The following CPB1 variants were observed in gnomAD, a reference collection of about 807,000 sequenced individuals.
CPB1 encodes the protein carboxypeptidase B.
A neutral mutation model predicts 51.4 loss-of-function variants in CPB1; 53 were observed. The observed-to-expected ratio is 1.03, with a 90% CI of 0.83 to 1.30. The LOEUF (loss-of-function observed/expected upper bound fraction) is 1.30. Among genes scored for constraint, CPB1 ranks in the 50% most tolerant of loss-of-function variants. CPB1 has a pLI of 0.00. For missense variants in CPB1, 494 were observed against 516.2 expected (o/e 0.96, Z 0.42); for synonymous variants, 189 against 186.9 (o/e 1.01, Z -0.09).
intron 3 of CPB1, among the ~76,000 whole-genome samples, chr3:148,836,766 C>A (rs551723105): frequency 6.6e-6 from 1 of 152,016 alleles, no homozygotes; most frequent in South Asian, 2.1e-4. Context: ...AGAAGCATAC[C>A]AGCAATATCC....
chr3:148,839,267 A>T (rs1429512829), intron 3 of CPB1, among the ~76,000 whole-genome samples: 1 of 152,182 alleles, frequency 6.6e-6, no homozygotes, highest in Non-Finnish European at 1.5e-5. Context: ...AGGGCAAGGA[A>T]TTAGATTCTC....
intron 2 of CPB1, among the ~76,000 whole-genome samples, chr3:148,831,938 A>G (rs1712750392): frequency 6.6e-6 from 1 of 152,088 alleles, no homozygotes; most frequent in Non-Finnish European, 1.5e-5. Context: ...AGGCTATAGC[A>G]TTGCTCCTGA....
intron 2 of CPB1, among the ~76,000 whole-genome samples, chr3:148,831,505 T>G (rs976194579): frequency 1.3e-5 from 2 of 152,162 alleles, no homozygotes; most frequent in Non-Finnish European, 2.9e-5. Flanking sequence ...CCAACACCAA[T>G]ATTTATTTTT....
At chr3:148,852,024 C>G (rs1713448596) in intron 9 of CPB1, 1 of 152,134 alleles carries the variant, frequency 6.6e-6, no homozygotes, top group African/African-American at 2.4e-5. Flanking sequence ...AATTATTGTT[C>G]CTCTGAAATT....
At chr3:148,833,591 G>T (rs1712802721) in intron 2 of CPB1, among the ~76,000 whole-genome samples, 1 of 152,114 alleles carries the variant, frequency 6.6e-6, no homozygotes. Context: ...CAGGGAGAAA[G>T]AAAGACCCAA....
rs3772594 is a variant in CPB1, at chr3:148,847,855, T to C, written c.981+2229T>C. Among the ~76,000 whole-genome samples the C allele has an allele frequency of 6.2e-3, 946 of 152,250 alleles. 13 individuals carry two copies. The highest frequency in any genetic ancestry group is 0.04 in the East Asian group (207 of 5,184). On this transcript the variant is annotated intron_variant, in intron 9 of 10. Coordinates refer to ENST00000282957, the MANE Select transcript of CPB1 (RefSeq NM_001871.3). ...CAGAGTACAAGACAGGTAACTAAAATGCAAAAATTTAATTTGATGTATCAT... is the reference window on the plus strand; with the variant it reads ...CAGAGTACAAGACAGGTAACTAAAACGCAAAAATTTAATTTGATGTATCAT...
At chr3:148,846,828 T>TATATATATAG (rs1713265377) in intron 9 of CPB1, among the ~76,000 whole-genome samples, 1 of 112,916 alleles carries the variant, frequency 8.9e-6, no homozygotes, top group Non-Finnish European at 1.8e-5. Flanking sequence ...TATATATATA[T>TATATATATAG]ATATATATAT....
intron 6 of CPB1, among the ~76,000 whole-genome samples, chr3:148,843,459 C>A (rs1713148840): frequency 6.6e-6 from 1 of 151,976 alleles, no homozygotes; most frequent in Admixed American, 6.6e-5. Flanking sequence ...CATTATGTAT[C>A]AGATTGGCAT....
chr3:148,829,648 C>T (rs9858818), intron 2 of CPB1, among the ~76,000 whole-genome samples: 105,767 of 151,972 alleles, frequency 0.7, 37,031 homozygotes, highest in East Asian at 0.95. Flanking sequence ...AGGGCAATAA[C>T]TCTTCCCCTA....
At chr3:148,839,270 A>G (rs1713003246) in intron 3 of CPB1, among the ~76,000 whole-genome samples, 1 of 152,210 alleles carries the variant, frequency 6.6e-6, no homozygotes, top group Non-Finnish European at 1.5e-5. Flanking sequence ...GCAAGGAATT[A>G]GATTCTCCCC....
intron 9 of CPB1, among the ~76,000 whole-genome samples, chr3:148,846,024 A>C (rs541447043): frequency 6.6e-4 from 101 of 152,310 alleles, no homozygotes; most frequent in South Asian, 1.2e-3. Context: ...TCCAGAGCAT[A>C]GCAGAGCACA....
chr3:148,857,067 T>TCTG (rs1713588661), intron 9 of CPB1: 1 of 152,622 alleles, frequency 6.6e-6, no homozygotes, highest in African/African-American at 2.6e-5. Flanking sequence ...CAAGTGTTTT[T>TCTG]TTTTTTTTTT....
chr3:148,827,953 C>T (rs761076436), intron 1 of CPB1, 49 bp from the exon 2 acceptor site: 1 of 1,611,422 alleles, frequency 6.2e-7, no homozygotes, highest in South Asian at 1.1e-5. Flanking sequence ...CAAATTTGGA[C>T]ACATTACTCA....
intron 2 of CPB1, among the ~76,000 whole-genome samples, chr3:148,828,884 C>A (rs1222017445): frequency 1.6e-4 from 24 of 152,156 alleles, no homozygotes; most frequent in Admixed American, 1.6e-3. Context: ...GTGTCATAAT[C>A]ACAGGCTCAG....
intron 3 of CPB1, 68 bp downstream of exon 3, chr3:148,834,690 C>T (rs1365197592): frequency 6.1e-6 from 9 of 1,482,238 alleles, no homozygotes; most frequent in African/African-American, 1.4e-5. Context: ...CTTTGAATAA[C>T]TCTGGGAAGG....
chr3:148,828,218 C>A, intron 2 of CPB1, 141 bp downstream of exon 2: 1 of 659,496 alleles, frequency 1.5e-6, no homozygotes, highest in African/African-American at 1.8e-5. Flanking sequence ...ACATTTAGTG[C>A]CATAATGTCT....
In CPB1 at chr3:148,845,454, A is replaced by C; in HGVS notation, c.809A>C (p.Glu270Ala). The change falls in exon 9 of 11, where the codon GAA becomes GCA. Residue 270 changes from glutamate (E) to alanine (A), a missense_variant. Glu to Ala is a moderately radical substitution (Grantham distance 107). Transcript: ENST00000282957. ...GGAGCCTCTCGAAACCCCTGTGATGAAACTTACTGTGGACCTGCCGCAGAG... is the reference window on the plus strand; with the variant it reads ...GGAGCCTCTCGAAACCCCTGTGATGCAACTTACTGTGGACCTGCCGCAGAG... ...EIGASRNPCDETYCGPAAESE... is the reference protein window; with the variant it reads ...EIGASRNPCDATYCGPAAESE... The C allele has an allele frequency of 6.2e-7, 1 of 1,613,914 alleles. No homozygotes were observed. The highest frequency in any genetic ancestry group is 8.5e-7 in the Non-Finnish European group (1 of 1,179,842).
At chr3:148,853,682 A>G (rs1035385815) in intron 9 of CPB1, among the ~76,000 whole-genome samples, 5 of 152,242 alleles carry the variant, frequency 3.3e-5, no homozygotes, top group Non-Finnish European at 7.3e-5. Context: ...TCTGTTCTTT[A>G]CAATTGGTAA....
Position 148,834,692 on chromosome 3 carries a change from C to A in CPB1, c.272+70C>A, listed in dbSNP as rs1712843294. On this transcript the variant is annotated intron_variant, in intron 3 of 10. Transcript: ENST00000282957. Reference sequence around the variant, plus strand: ...CTTTCATCTGAGCCTTTGAATAACTCTGGGAAGGAAGAAATGAGACCAAGA... The same window carrying A: ...CTTTCATCTGAGCCTTTGAATAACTATGGGAAGGAAGAAATGAGACCAAGA... 3.4e-6 allele frequency: 5 copies of A among 1,474,768 alleles called. No individual in the cohort carries two copies. The South Asian group carries it at 6.4e-5, about 19-fold the overall frequency. The allele number at this position is 1,474,768 out of a possible 1,614,324, so 91.4% of individuals were successfully genotyped here. A position where few individuals can be genotyped will look rare whatever the true frequency, so the allele number is the denominator to read the frequency against.
Sources: allele counts gnomAD v4.1 joint callset (sites outside exome capture counted in the v4.1 genomes callset), GRCh38; gene constraint gnomAD v4.1.1; transcripts MANE v1.5; gene names NCBI Gene and HGNC (gene_info 2026-07-23, HGNC 2026-07-21).